The following SLC14A2 variants were observed in gnomAD, a reference collection of about 807,000 sequenced individuals.
SLC14A2 encodes urea transporter 2.
In SLC14A2, 91 loss-of-function variants were observed where a neutral mutation model predicts 104.6. The observed-to-expected ratio is 0.87, with a 90% CI of 0.73 to 1.04. The LOEUF is 1.04. Ranked by LOEUF, SLC14A2 falls within the 50% of genes least tolerant of loss-of-function variation. SLC14A2 has a pLI of 0.00. For synonymous variants in SLC14A2, 476 were observed against 466.4 expected (o/e 1.02, Z -0.27); for missense variants, 1,189 against 1,156.0 (o/e 1.03, Z -0.41).
At chr18:45,435,354 C>T (rs2086579486) in intron 1 of SLC14A2, 2 of 152,042 alleles carry the variant, frequency 1.3e-5, no homozygotes, top group African/African-American at 4.8e-5. Flanking sequence ...GAGAGAGGAG[C>T]TTAAATTACT....
intron 1 of SLC14A2, among the ~76,000 whole-genome samples, chr18:45,454,931 G>A (rs2086917101): frequency 6.6e-6 from 1 of 152,176 alleles, no homozygotes; most frequent in Non-Finnish European, 1.5e-5. Context: ...TTGAAGTCAG[G>A]TAGCGTGATG....
chr18:45,592,594 A>C (rs557566390), intron 2 of SLC14A2, among the ~76,000 whole-genome samples: 5 of 152,332 alleles, frequency 3.3e-5, no homozygotes, highest in African/African-American at 1.2e-4. Flanking sequence ...TTCACAGCCA[A>C]AACACACTGT....
rs142141415 is a variant in SLC14A2, at chr18:45,521,967, T to C, written c.-35+38645T>C. ...CGTTACTCTTTGAGCTATGTTTCAT[T>C]TGAGGGCAGCTTGCCATGGAGGAAA... is the stretch of plus-strand genomic sequence containing the variant. On this transcript the variant is annotated intron_variant, in intron 2 of 20. Coordinates refer to the SLC14A2 transcript ENST00000586448. 2.0e-5 allele frequency among the ~76,000 whole-genome samples: 3 copies of C among 152,262 alleles called. No individual in the cohort carries two copies. The East Asian group carries it at 5.8e-4, about 30-fold the overall frequency.
rs2045361629 is a variant in SLC14A2, at chr18:45,632,489, TCATTTTTTCTGCTCACAGCTCCA to T, written c.650+12_650+34del. 1 of 1,612,498 alleles carries T rather than the reference TCATTTTTTCTGCTCACAGCTCCA, an allele frequency of 6.2e-7. No homozygotes were observed. Among genetic ancestry groups the T allele is most frequent in the African/African-American group, 1.3e-5 (1 of 74,824 alleles). On this transcript the variant is annotated intron_variant, in intron 5 of 19. Transcript: ENST00000255226. ...CACAGCCATGTCCTGGTGAGGCACCTCATTTTTTCTGCTCACAGCTCCATGGGGCCCCCAAGACACTTGTGTCT... is the reference window on the plus strand; with the variant it reads ...CACAGCCATGTCCTGGTGAGGCACCTTGGGGCCCCCAAGACACTTGTGTCT...
chr18:45,591,559 A>G (rs536366867), intron 2 of SLC14A2, among the ~76,000 whole-genome samples: 124 of 150,706 alleles, frequency 8.2e-4, no homozygotes, highest in African/African-American at 2.6e-3. Flanking sequence ...CTGGTCTTGA[A>G]CTCCTGACCT....
intron 1 of SLC14A2, among the ~76,000 whole-genome samples, chr18:45,259,217 A>C (rs1263122450): frequency 6.6e-6 from 1 of 152,212 alleles, no homozygotes; most frequent in Non-Finnish European, 1.5e-5. Context: ...ATCACTCTGG[A>C]ATAATTTTTA....
At chr18:45,510,463 G>A (rs1333889261) in intron 2 of SLC14A2, among the ~76,000 whole-genome samples, 1 of 152,090 alleles carries the variant, frequency 6.6e-6, no homozygotes, top group Non-Finnish European at 1.5e-5. Flanking sequence ...GTGGAGGCAG[G>A]GAGTACCCCC....
At chr18:45,622,353 G>A (rs2045185220) in intron 1 of SLC14A2, among the ~76,000 whole-genome samples, 1 of 152,176 alleles carries the variant, frequency 6.6e-6, no homozygotes, top group Non-Finnish European at 1.5e-5. Context: ...GCTTGGAAGG[G>A]GAAGATGACT....
chr18:45,283,157 A>G (rs2084780067), intron 1 of SLC14A2, among the ~76,000 whole-genome samples: 1 of 152,130 alleles, frequency 6.6e-6, no homozygotes, highest in Non-Finnish European at 1.5e-5. Flanking sequence ...CCAGACACTG[A>G]CTTAATACCC....
intron 1 of SLC14A2, among the ~76,000 whole-genome samples, chr18:45,380,520 C>G (rs564483601): frequency 6.6e-6 from 1 of 152,222 alleles, no homozygotes; most frequent in South Asian, 2.1e-4. Context: ...TTGGCAATCT[C>G]AATAAATTAT....
intron 1 of SLC14A2, among the ~76,000 whole-genome samples, chr18:45,423,147 G>A (rs2086372468): frequency 6.6e-6 from 1 of 152,106 alleles, no homozygotes; most frequent in Admixed American, 6.6e-5. Flanking sequence ...AATGAAGACG[G>A]TTTCAAATAG....
At chr18:45,194,643 A>AT in the SLC14A2 span, among the ~76,000 whole-genome samples, 7,791 of 108,664 alleles carry the variant, frequency 0.072, 531 homozygotes, top group Non-Finnish European at 0.079. Context: ...TTGGTCTGTA[A>AT]TTTTTTTTTT....
At chr18:45,212,697 A>T (rs2083971800), upstream of SLC14A2, among the ~76,000 whole-genome samples, 1 of 152,226 alleles carries the variant, frequency 6.6e-6, no homozygotes, top group Admixed American at 6.5e-5. Flanking sequence ...ACAACCGCAT[A>T]GGTAATCATA....
At chr18:45,178,348 T>C in the SLC14A2 span, among the ~76,000 whole-genome samples, 3 of 151,282 alleles carry the variant, frequency 2.0e-5, no homozygotes, top group Non-Finnish European at 2.9e-5. Flanking sequence ...AGTAATGAAA[T>C]AAAAACATAA....
chr18:45,253,306 C>G (rs924308214), intron 1 of SLC14A2, among the ~76,000 whole-genome samples: 1 of 152,052 alleles, frequency 6.6e-6, no homozygotes, highest in African/African-American at 2.4e-5. Flanking sequence ...TACTGAGAGG[C>G]AGGAAAGAGC....
At chr18:45,211,474 G>C (rs376142), upstream of SLC14A2, among the ~76,000 whole-genome samples, 120,245 of 152,172 alleles carry the variant, frequency 0.79, 47,507 homozygotes, top group East Asian at 0.83. Context: ...TTAACTTTTA[G>C]GGAGAAGAAA....
At chr18:45,284,474 C>T (rs932161025) in intron 1 of SLC14A2, among the ~76,000 whole-genome samples, 3 of 152,070 alleles carry the variant, frequency 2.0e-5, no homozygotes, top group South Asian at 2.1e-4. Flanking sequence ...TACTCCATGC[C>T]CCCTCCACCC....
chr18:45,415,089 A>G (rs573400351), intron 1 of SLC14A2, among the ~76,000 whole-genome samples: 1 of 152,048 alleles, frequency 6.6e-6, no homozygotes, highest in Non-Finnish European at 1.5e-5. Flanking sequence ...AAATTTTTAT[A>G]AATTGTGTAT....
intron 1 of SLC14A2, among the ~76,000 whole-genome samples, chr18:45,260,355 A>C (rs1337726969): frequency 6.6e-6 from 1 of 152,200 alleles, no homozygotes; most frequent in African/African-American, 2.4e-5. Flanking sequence ...AACAGGAAGA[A>C]AGATCTTACA....
Sources: gnomAD v4.1 joint callset for allele counts (sites outside exome capture counted in the v4.1 genomes callset) on GRCh38, gnomAD v4.1.1 for gene constraint, MANE v1.5 for transcripts, NCBI Gene and HGNC (gene_info 2026-07-23, HGNC 2026-07-21) for gene names.